Variants in TRIQK observed in about 807,000 individuals in gnomAD.
TRIQK encodes triple QxxK/R motif containing.
TRIQK carries 10 observed loss-of-function variants against 10.8 expected under a neutral mutation model. The observed-to-expected ratio is 0.92, with a 90% CI of 0.57 to 1.57. The LOEUF (loss-of-function observed/expected upper bound fraction) is 1.57. Among genes scored for constraint, TRIQK ranks in the 40% most tolerant of loss-of-function variants. The pLI, the probability that TRIQK is intolerant of heterozygous loss-of-function variation, is 0.00. For synonymous variants in TRIQK, 33 were observed against 33.7 expected (o/e 0.98, Z 0.07); for missense variants, 107 against 97.7 (o/e 1.09, Z -0.40).
intron 3 of TRIQK, among the ~76,000 whole-genome samples, chr8:92,914,706 G>A (rs968759475): frequency 2.0e-5 from 3 of 152,048 alleles, no homozygotes; most frequent in Non-Finnish European, 4.4e-5. Flanking sequence ...TGTCTCACAC[G>A]TGTTAGGATG....
intron 1 of TRIQK, among the ~76,000 whole-genome samples, chr8:93,004,524 T>A (rs1016564217): frequency 6.6e-6 from 1 of 152,260 alleles, no homozygotes; most frequent in African/African-American, 2.4e-5. Context: ...AACATTGAGC[T>A]TATGAAAATT....
rs147688089 is a variant in TRIQK at position 92,999,757 on chromosome 8, T to C, written c.-181+17852A>G. The stretch of plus-strand genomic sequence containing the variant: ...TTGTTCTTTTGATAAAGACTAATGG[T>C]TTTTCAGAGACTTTGTTTGATCAAA... On this transcript the variant is annotated intron_variant, in intron 1 of 4. Transcript: ENST00000520686. 2.6e-3 allele frequency among the ~76,000 whole-genome samples: 390 copies of C among 152,000 alleles called. 2 individuals are homozygous for C. The highest frequency in any genetic ancestry group is 9.1e-3 in the African/African-American group (374 of 41,302).
chr8:92,998,371 T>C (rs1203535949), intron 1 of TRIQK, among the ~76,000 whole-genome samples: 1 of 152,052 alleles, frequency 6.6e-6, no homozygotes, highest in Non-Finnish European at 1.5e-5. Context: ...GATTTATATT[T>C]CGTTTAAGAA....
chr8:92,958,959 G>A (rs940899814), intron 1 of TRIQK, among the ~76,000 whole-genome samples: 6 of 152,142 alleles, frequency 3.9e-5, no homozygotes, highest in South Asian at 4.1e-4. Context: ...TAGACAATAC[G>A]TAAACAAATG....
intron 1 of TRIQK, among the ~76,000 whole-genome samples, chr8:92,958,623 A>G (rs1812293297): frequency 6.6e-6 from 1 of 152,028 alleles, no homozygotes; most frequent in Non-Finnish European, 1.5e-5. Flanking sequence ...TAGATTCCTG[A>G]GGTTAACCTT....
Position 93,003,189 on chromosome 8 carries a change from CTT to C in TRIQK, c.-181+14418_-181+14419del, listed in dbSNP as rs34946907. Among the ~76,000 whole-genome samples the C allele has an allele frequency of 1.9e-3, 283 of 152,172 alleles. 1 individual carries two copies. The highest frequency in any genetic ancestry group is 6.7e-3 in the African/African-American group (278 of 41,520). Reference sequence around the variant, plus strand: ...ATAAAGAACTACCTGAGACTGGGCTCTTTTATTAACTTACACTTCCACAGGCT... The same window carrying C: ...ATAAAGAACTACCTGAGACTGGGCTCTTATTAACTTACACTTCCACAGGCT... On this transcript the variant is annotated intron_variant, in intron 1 of 4. Coordinates refer to the TRIQK transcript ENST00000520686.
At chr8:93,012,673 T>C (rs1362566011) in intron 1 of TRIQK, among the ~76,000 whole-genome samples, 1 of 152,184 alleles carries the variant, frequency 6.6e-6, no homozygotes, top group Non-Finnish European at 1.5e-5. Context: ...TAATTCACTA[T>C]CTCCTAACAA....
chr8:92,895,283 A>G (rs1808534429), intron 3 of TRIQK, among the ~76,000 whole-genome samples: 1 of 152,148 alleles, frequency 6.6e-6, no homozygotes, highest in Admixed American at 6.6e-5. Flanking sequence ...TTCTTTACAC[A>G]TTTTCTAATC....
Position 92,918,781 on chromosome 8 carries a change from C to A in TRIQK, c.-21-1771G>T, listed in dbSNP as rs149041288. Among the ~76,000 whole-genome samples the A allele has an allele frequency of 4.0e-5, 6 of 151,128 alleles. No homozygotes were observed. In the South Asian group the frequency reaches 1.2e-3, roughly 31 times the overall value. ...CCTGGGCTTTTGAGATCTTACCCCC[C>A]CCCACAATTTTTGCCAGACCAATGT... On this transcript the variant is annotated intron_variant, in intron 2 of 4. Coordinates refer to ENST00000521988, the MANE Select transcript of TRIQK (RefSeq NM_001171797.2).
At chr8:92,992,871 T>A (rs1813111886) in intron 1 of TRIQK, among the ~76,000 whole-genome samples, 1 of 152,162 alleles carries the variant, frequency 6.6e-6, no homozygotes, top group Admixed American at 6.5e-5. Flanking sequence ...TGCACTGAAA[T>A]GGTGACACCA....
chr8:92,912,088 T>C (rs1809603679), intron 3 of TRIQK, among the ~76,000 whole-genome samples: 1 of 151,234 alleles, frequency 6.6e-6, no homozygotes, highest in Admixed American at 6.6e-5. Context: ...TTAACAAATG[T>C]ATACAGAACA....
chr8:93,000,882 T>TA (rs60359673), intron 1 of TRIQK, among the ~76,000 whole-genome samples: 4,766 of 122,140 alleles, frequency 0.039, 127 homozygotes, highest in South Asian at 0.054. Flanking sequence ...CACAAAGGAT[T>TA]AAAAAAAAAA....
intron 2 of TRIQK, among the ~76,000 whole-genome samples, chr8:92,934,560 C>A (rs1388920448): frequency 6.6e-6 from 1 of 151,790 alleles, no homozygotes; most frequent in Non-Finnish European, 1.5e-5. Flanking sequence ...TGCTGTATGA[C>A]TTATTTAAAA....
chr8:92,945,143 T>C (rs1417521244), intron 2 of TRIQK, among the ~76,000 whole-genome samples: 1 of 152,172 alleles, frequency 6.6e-6, no homozygotes, highest in Non-Finnish European at 1.5e-5. Context: ...GGGCCCAATT[T>C]ATGTATCTCA....
At chr8:92,891,326 G>C (rs895397983) in intron 4 of TRIQK, among the ~76,000 whole-genome samples, 1 of 151,784 alleles carries the variant, frequency 6.6e-6, no homozygotes, top group Non-Finnish European at 1.5e-5. Flanking sequence ...TTACACCTTT[G>C]ATAGTAGAGT....
chr8:92,979,053 G>A (rs547146885), intron 1 of TRIQK, among the ~76,000 whole-genome samples: 1 of 152,262 alleles, frequency 6.6e-6, no homozygotes, highest in South Asian at 2.1e-4. Flanking sequence ...GGATTCAGCA[G>A]AAAGTGTTTG....
At chr8:92,968,299 T>C (rs543004866), upstream of TRIQK, among the ~76,000 whole-genome samples, 48 of 152,308 alleles carry the variant, frequency 3.2e-4, no homozygotes, top group African/African-American at 1.1e-3. Flanking sequence ...TGATTTATAA[T>C]CCTTTGGGCA....
At chr8:92,950,441 G>C (rs1030323525) in intron 2 of TRIQK, among the ~76,000 whole-genome samples, 1 of 152,110 alleles carries the variant, frequency 6.6e-6, no homozygotes, top group African/African-American at 2.4e-5. Context: ...AATCGTTGTA[G>C]GAATTTGCAA....
Position 92,956,109 on chromosome 8 carries a change from G to C in TRIQK, c.-180-1545C>G, listed in dbSNP as rs1001515182. Among the ~76,000 whole-genome samples, 2 of 151,670 alleles carry C rather than the reference G, an allele frequency of 1.3e-5. 1 individual carries two copies. The highest frequency in any genetic ancestry group is 3.0e-5 in the Non-Finnish European group (2 of 67,780). Reference sequence around the variant, plus strand: ...TCCACACAAAAACTTATATACGAATGTTCATAGCAGCATTATTCTAATAGC... The same window carrying C: ...TCCACACAAAAACTTATATACGAATCTTCATAGCAGCATTATTCTAATAGC... On this transcript the variant is annotated intron_variant, in intron 1 of 4. Coordinates refer to ENST00000521988, the MANE Select transcript of TRIQK (RefSeq NM_001171797.2).
Sources: allele counts gnomAD v4.1 joint callset (sites outside exome capture counted in the v4.1 genomes callset), GRCh38; gene constraint gnomAD v4.1.1; transcripts MANE v1.5; gene names NCBI Gene and HGNC (gene_info 2026-07-23, HGNC 2026-07-21).